NLE1: variants seen among roughly 807,000 people sequenced by gnomAD.
NLE1 encodes the protein notchless protein homolog 1.
Under a neutral mutation model 62.8 loss-of-function variants are expected in NLE1, and 37 were observed. That is an observed-to-expected ratio of 0.59 (90% CI 0.45 to 0.78). NLE1 has a LOEUF of 0.78. Ranked by LOEUF, NLE1 falls within the 30% of genes least tolerant of loss-of-function variation. The pLI, the probability that NLE1 is intolerant of heterozygous loss-of-function variation, is 0.00. For synonymous variants in NLE1, 243 were observed against 253.0 expected (o/e 0.96, Z 0.37); for missense variants, 555 against 637.9 (o/e 0.87, Z 1.40).
At chr17:35,133,106 G>A (rs996410128) in intron 12 of NLE1, 65 bp downstream of exon 12, 15 of 1,444,446 alleles carry the variant, frequency 1.0e-5, no homozygotes, top group Non-Finnish European at 1.3e-5. Flanking sequence ...AAGGGAAAGT[G>A]TGCACAGAAG....
At chr17:35,136,558 C>A (rs1267751167) in intron 7 of NLE1, 61 bp from the exon 8 acceptor site, 1 of 1,563,480 alleles carries the variant, frequency 6.4e-7, no homozygotes, top group Non-Finnish European at 8.7e-7. Flanking sequence ...GCGATTAGCC[C>A]CAGGAGACAG....
chr17:35,132,488 C>T, intron 12 of NLE1, 39 bp from the exon 13 acceptor site: 1 of 1,347,978 alleles, frequency 7.4e-7, no homozygotes, highest in South Asian at 2.2e-5. Context: ...GGGATTCCAC[C>T]TTAGGAAAGG....
At chr17:35,137,991 T>C in intron 4 of NLE1, 101 bp from the exon 5 acceptor site, 1 of 782,494 alleles carries the variant, frequency 1.3e-6, no homozygotes. Context: ...ACCATTTGAA[T>C]AAATGAATGA....
rs1224932516 is a variant in NLE1 at position 35,129,911 on chromosome 17, A to AT, written c.*2525dup. On this transcript the variant is annotated 3_prime_UTR_variant, in exon 13 of 13. Transcript: ENST00000442241. ...ACTATAATGTTCCCCTTCCAAAGCC[A>AT]TTGGTTTTTAGACTCTGCAATTCAG... 2 of 1,392,378 alleles carry AT rather than the reference A, an allele frequency of 1.4e-6. No individual in the cohort carries two copies. Among genetic ancestry groups the AT allele is most frequent in the African/African-American group, 2.9e-5 (2 of 68,930 alleles). 86.3% of individuals were successfully genotyped at this position (1,392,378 alleles called of 1,614,324 possible).
chr17:35,136,192 G>T lies in NLE1; in HGVS notation c.988C>A (p.Leu330Met), dbSNP rs146021568. The stretch of plus-strand genomic sequence containing the variant: ...ACCCGCACGAGGTTGTATCGGCTCA[G>T]AGCCCTCTCCTTCAACTCCTGCACT... ...GSLQELKERA[L>M]SRYNLVRGQG... is the part of the protein sequence containing the mutation. The change falls in exon 9 of 13, where the codon CTG (leucine) becomes ATG (methionine). Residue 330 changes from leucine to methionine, a missense_variant. Coordinates refer to ENST00000442241, the MANE Select transcript of NLE1 (RefSeq NM_018096.5). 6.2e-7 allele frequency: 1 copy of T among 1,614,064 alleles called. No individual in the cohort carries two copies. The highest frequency in any genetic ancestry group is 1.3e-5 in the African/African-American group (1 of 74,932).
In NLE1 at chr17:35,130,564, C is replaced by A; in HGVS notation, c.*1873G>T. 1 of 982,458 alleles carries A rather than the reference C, an allele frequency of 1.0e-6. No individual in the cohort carries two copies. The highest frequency in any genetic ancestry group is 1.5e-6 in the Non-Finnish European group (1 of 681,410). 60.9% of individuals were successfully genotyped at this position (982,458 alleles called of 1,614,324 possible). A position where few individuals can be genotyped will look rare whatever the true frequency, so the allele number is the denominator to read the frequency against. ...GGGGTCTGGCAGAGTGGTATGGGCA[C>A]CCCACCCCTGGGCTGGGGCCAAGGC... On this transcript the variant is annotated 3_prime_UTR_variant, in exon 13 of 13. Transcript: ENST00000442241.
Position 35,133,464 on chromosome 17 carries a change from C to T in NLE1, c.1249G>A (p.Val417Met), listed in dbSNP as rs554861899. ...LASLRGHVAAVYQIAWSADSR... is the reference protein window; with the variant it reads ...LASLRGHVAAMYQIAWSADSR... ...TCAGCTGACCACGCAATCTGGTACA[C>T]GGCAGCCACGTGGCCGCGTAGGGAA... The change falls in exon 11 of 13, where the codon GTG (valine) becomes ATG (methionine). Residue 417 changes from valine (V) to methionine (M), a missense_variant. Transcript: ENST00000442241. The T allele has an allele frequency of 4.3e-6, 7 of 1,613,736 alleles. No homozygotes were observed. Among genetic ancestry groups the T allele is most frequent in the Non-Finnish European group, 5.1e-6 (6 of 1,179,930 alleles).
intron 8 of NLE1, 25 bp downstream of exon 8, chr17:35,136,337 G>A (rs758834609): frequency 5.0e-6 from 8 of 1,610,200 alleles, no homozygotes; most frequent in African/African-American, 2.7e-5. Context: ...ATCAGCCCCC[G>A]CTCTTCCTTC....
Position 35,129,436 on chromosome 17 carries a change from C to T in NLE1, c.*3001G>A, listed in dbSNP as rs769447031. 2.2e-5 allele frequency: 36 copies of T among 1,613,864 alleles called. No homozygotes were observed. The highest frequency in any genetic ancestry group is 3.3e-5 in the South Asian group (3 of 91,078). ...TCTTCCCCTAGATTTCCTGGACCTA[C>T]GCCTTGGGCAAGCAGCCGGTCAGTT... On this transcript the variant is annotated 3_prime_UTR_variant, in exon 13 of 13. Transcript: ENST00000442241.
chr17:35,136,182 T>G lies in NLE1; in HGVS notation c.998A>C (p.Tyr333Ser). Residue 333 changes from tyrosine to serine, a missense_variant, in exon 9 of 13, where the codon TAC becomes TCC. Physicochemically the swap from Tyr to Ser is moderately radical, Grantham distance 144 (BLOSUM62 -2). Coordinates refer to ENST00000442241, the MANE Select transcript of NLE1 (RefSeq NM_018096.5). The part of the protein sequence containing the change: ...QELKERALSR[Y>S]NLVRGQGPER... ...GCACACACTCACCCGCACGAGGTTG[T>G]ATCGGCTCAGAGCCCTCTCCTTCAA... The G allele has an allele frequency of 3.1e-6, 5 of 1,614,210 alleles. No individual in the cohort carries two copies. The highest frequency in any genetic ancestry group is 4.2e-6 in the Non-Finnish European group (5 of 1,180,026).
intron 10 of NLE1, among the ~76,000 whole-genome samples, chr17:35,134,337 A>C (rs2142501820): frequency 6.6e-6 from 1 of 152,180 alleles, no homozygotes; most frequent in South Asian, 2.1e-4. Context: ...CACCTTCTCC[A>C]GGGCTACAGC....
intron 12 of NLE1, among the ~76,000 whole-genome samples, chr17:35,132,853 T>C (rs954140330): frequency 1.3e-5 from 2 of 152,228 alleles, no homozygotes; most frequent in Non-Finnish European, 2.9e-5. Flanking sequence ...TGAAGTCTAG[T>C]GACAGAAAGA....
intron 1 of NLE1, 31 bp downstream of exon 1, chr17:35,142,227 A>G: frequency 1.3e-6 from 2 of 1,555,342 alleles, no homozygotes; most frequent in Non-Finnish European, 1.7e-6. Flanking sequence ...CCCCGCGGCG[A>G]CGCCCCCCGC....
At chr17:35,139,818 AC>A in intron 3 of NLE1, 30 bp downstream of exon 3, 1 of 1,602,130 alleles carries the variant, frequency 6.2e-7, no homozygotes, top group Non-Finnish European at 8.5e-7. Context: ...ACCCCCACAT[AC>A]CCCCTCCATG....
chr17:35,139,958 T>C lies in NLE1; in HGVS notation c.271A>G (p.Ile91Val). Residue 91 changes from isoleucine (I) to valine (V), a missense_variant, in exon 3 of 13, where the codon ATC (isoleucine) becomes GTC (valine). Physicochemically the swap from Ile to Val is conservative, Grantham distance 29. Coordinates refer to ENST00000442241, the MANE Select transcript of NLE1 (RefSeq NM_018096.5). ...CTGAAGATAGCCTGTGGCTGGTAGA[T>C]GATGTCTAGGACCTTCTCTGTCTCC... ...AVETEKVLDIIYQPQAIFRVR... is the reference protein window; with the variant it reads ...AVETEKVLDIVYQPQAIFRVR... 10 of 1,614,186 alleles carry C rather than the reference T, an allele frequency of 6.2e-6. No homozygotes were observed. Among genetic ancestry groups the C allele is most frequent in the East Asian group, 2.2e-5 (1 of 44,874 alleles).
intron 12 of NLE1, 27 bp downstream of exon 12, chr17:35,133,144 G>T (rs1194285363): frequency 6.2e-7 from 1 of 1,609,334 alleles, no homozygotes; most frequent in African/African-American, 1.3e-5. Flanking sequence ...GGCTGTGTAT[G>T]CCAACCACCA....
chr17:35,136,298 C>G, intron 8 of NLE1, 64 bp downstream of exon 8: 1 of 1,610,102 alleles, frequency 6.2e-7, no homozygotes, highest in Non-Finnish European at 8.5e-7. Flanking sequence ...AAACACTCCC[C>G]ATTAAGCTTG....
intron 10 of NLE1, chr17:35,135,028 T>G (rs971884982): frequency 4.7e-6 from 3 of 643,996 alleles, no homozygotes; most frequent in South Asian, 4.5e-5. Flanking sequence ...CTCGAGCCAC[T>G]TGAACACCAG....
chr17:35,135,155 A>G, intron 10 of NLE1, 94 bp downstream of exon 10: 7 of 1,217,170 alleles, frequency 5.8e-6, no homozygotes, highest in Non-Finnish European at 8.5e-6. Flanking sequence ...AGAAAATCCA[A>G]ACACCTGCCA....
Sources: allele counts gnomAD v4.1 joint callset (sites outside exome capture counted in the v4.1 genomes callset), GRCh38; gene constraint gnomAD v4.1.1; transcripts MANE v1.5; gene names NCBI Gene and HGNC (gene_info 2026-07-23, HGNC 2026-07-21).